Variants in TMTC4 observed in about 807,000 individuals in gnomAD.
TMTC4 encodes the protein transmembrane O-mannosyltransferase targeting cadherins 4.
In TMTC4, 65 loss-of-function variants were observed where a neutral mutation model predicts 86.0. The observed-to-expected ratio is 0.76, with a 90% CI of 0.62 to 0.93. The LOEUF is 0.93. Ranked by LOEUF, TMTC4 falls within the 40% of genes least tolerant of loss-of-function variation. The pLI is 0.00. For missense variants in TMTC4, 866 were observed against 948.1 expected (o/e 0.91, Z 1.14); for synonymous variants, 379 against 382.5 (o/e 0.99, Z 0.11).
In TMTC4 at chr13:100,623,640, G is replaced by GTTTTTT. The variant is rs71200708; in HGVS notation, c.1836+1894_1836+1895insAAAAAA. 6.8e-4 allele frequency among the ~76,000 whole-genome samples: 65 copies of GTTTTTT among 96,174 alleles called. 12 individuals carry two copies. The highest frequency in any genetic ancestry group is 8.1e-4 in the Non-Finnish European group (40 of 49,182). The allele number at this position is 96,174 out of a possible 152,430, so 63.1% of individuals were successfully genotyped here. A position where few individuals can be genotyped will look rare whatever the true frequency, so the allele number is the denominator to read the frequency against. ...GTCAGTTTTGGAAACTACTAGTTGG[G>GTTTTTT]TTTTGTTTTTTTTTTTTTTTTTTTT... On this transcript the variant is annotated intron_variant, in intron 15 of 18. Transcript: ENST00000342624.
chr13:100,609,066 A>T (rs1877123723), intron 17 of TMTC4, among the ~76,000 whole-genome samples: 1 of 152,108 alleles, frequency 6.6e-6, no homozygotes, highest in African/African-American at 2.4e-5. Context: ...GGGAGATCTG[A>T]TGAGAAGTTG....
At chr13:100,663,778 G>C (rs1886083227) in intron 4 of TMTC4, among the ~76,000 whole-genome samples, 1 of 152,170 alleles carries the variant, frequency 6.6e-6, no homozygotes, top group African/African-American at 2.4e-5. Flanking sequence ...GAACCTTTGT[G>C]AGGTAAATGC....
At chr13:100,673,055 G>T (rs953500132) in intron 1 of TMTC4, among the ~76,000 whole-genome samples, 8 of 152,168 alleles carry the variant, frequency 5.3e-5, no homozygotes, top group African/African-American at 1.9e-4. Flanking sequence ...TGACTCCTGC[G>T]ACAGAATCAA....
At chr13:100,624,660 G>A (rs763137695) in intron 15 of TMTC4, among the ~76,000 whole-genome samples, 9 of 152,196 alleles carry the variant, frequency 5.9e-5, no homozygotes, top group Non-Finnish European at 8.8e-5. Context: ...TTTAGAACAC[G>A]AGGATGCCTT....
intron 7 of TMTC4, 137 bp from the exon 8 acceptor site, chr13:100,638,159 T>A (rs1486888718): frequency 1.6e-6 from 1 of 606,436 alleles, no homozygotes; most frequent in African/African-American, 1.9e-5. Flanking sequence ...CTGCAGCTCT[T>A]TAAAAAAACA....
chr13:100,672,392 C>T (rs911768076), intron 1 of TMTC4, among the ~76,000 whole-genome samples: 1 of 152,200 alleles, frequency 6.6e-6, no homozygotes, highest in Non-Finnish European at 1.5e-5. Flanking sequence ...CAACACTAAA[C>T]GACTTCTGTT....
chr13:100,670,334 C>A (rs1886929499), intron 2 of TMTC4, 26 bp downstream of exon 2: 1 of 1,607,212 alleles, frequency 6.2e-7, no homozygotes, highest in African/African-American at 1.3e-5. Context: ...AAGATGGAGA[C>A]AGATCCAACA....
chr13:100,669,216 A>G (rs191445310), intron 2 of TMTC4, among the ~76,000 whole-genome samples: 3 of 152,210 alleles, frequency 2.0e-5, no homozygotes, highest in Non-Finnish European at 2.9e-5. Context: ...TGTGTGTGGC[A>G]GGGGAGAGGG....
chr13:100,649,528 G>A (rs1164119948), intron 6 of TMTC4, among the ~76,000 whole-genome samples: 2 of 151,970 alleles, frequency 1.3e-5, no homozygotes, highest in Non-Finnish European at 2.9e-5. Flanking sequence ...GCATATAGTG[G>A]GCACTCGATA....
intron 15 of TMTC4, among the ~76,000 whole-genome samples, chr13:100,619,048 C>A (rs1043829274): frequency 6.6e-6 from 1 of 152,102 alleles, no homozygotes. Context: ...AGGGGCTCCT[C>A]ACTTCCCAGT....
chr13:100,647,626 G>A (rs2791675), intron 6 of TMTC4, among the ~76,000 whole-genome samples: 139,694 of 152,252 alleles, frequency 0.92, 65,325 homozygotes, highest in East Asian at 1. Context: ...ACTGTAACAT[G>A]GATTAATTTT....
At chr13:100,631,035 T>G (rs1461549101) in intron 12 of TMTC4, among the ~76,000 whole-genome samples, 1 of 152,168 alleles carries the variant, frequency 6.6e-6, no homozygotes, top group African/African-American at 2.4e-5. Flanking sequence ...AGAACAAAAA[T>G]CTCACAACCA....
At chr13:100,608,236 A>G (rs1458456171) in intron 17 of TMTC4, among the ~76,000 whole-genome samples, 2 of 152,212 alleles carry the variant, frequency 1.3e-5, no homozygotes, top group Admixed American at 6.5e-5. Flanking sequence ...TTGAGGAGTC[A>G]GCAATTTGGG....
Position 100,636,721 on chromosome 13 carries a change from T to C in TMTC4, c.1013A>G (p.Asn338Ser), listed in dbSNP as rs771517444. ...CCAGGCATTCAATGAATAGTAGTAA[T>C]TGTAGTTTACGGCCTGCCAGTCAAA... Reference protein sequence around the residue: ...DSMLVRAVNYNYYYSLNAWLL... With the variant: ...DSMLVRAVNYSYYYSLNAWLL... Residue 338 changes from asparagine to serine, a missense_variant, in exon 10 of 19, where the codon AAT becomes AGT. Coordinates refer to ENST00000342624, the MANE Select transcript of TMTC4 (RefSeq NM_032813.5). The C allele has an allele frequency of 1.5e-5, 25 of 1,613,968 alleles. No homozygotes were observed. Among genetic ancestry groups the C allele is most frequent in the Admixed American group, 3.3e-5 (2 of 59,990 alleles).
chr13:100,661,351 C>A (rs1037261338), intron 5 of TMTC4, among the ~76,000 whole-genome samples: 1 of 152,186 alleles, frequency 6.6e-6, no homozygotes, highest in Non-Finnish European at 1.5e-5. Flanking sequence ...GCACTTGAAA[C>A]CTTTTTATAA....
chr13:100,628,407 C>T (rs1187165426), intron 12 of TMTC4, among the ~76,000 whole-genome samples: 1 of 152,156 alleles, frequency 6.6e-6, no homozygotes, highest in Non-Finnish European at 1.5e-5. Context: ...GGATGGACAC[C>T]TGGGTAGCTT....
chr13:100,612,323 G>C, intron 17 of TMTC4, 75 bp downstream of exon 17: 1 of 1,164,782 alleles, frequency 8.6e-7, no homozygotes, highest in South Asian at 1.4e-5. Context: ...AATTTAACTG[G>C]GCAGAAGTAA....
At chr13:100,632,131 C>T (rs1881538895) in intron 12 of TMTC4, among the ~76,000 whole-genome samples, 1 of 151,308 alleles carries the variant, frequency 6.6e-6, no homozygotes. Flanking sequence ...CCCACAAGCA[C>T]ACGCCCTGTG....
intron 2 of TMTC4, among the ~76,000 whole-genome samples, chr13:100,669,075 T>G (rs1226108754): frequency 6.6e-6 from 1 of 152,172 alleles, no homozygotes; most frequent in Non-Finnish European, 1.5e-5. Context: ...GGTATCCTCA[T>G]CAACCCCACA....
Sources: allele counts gnomAD v4.1 joint callset (sites outside exome capture counted in the v4.1 genomes callset), GRCh38; gene constraint gnomAD v4.1.1; transcripts MANE v1.5; gene names NCBI Gene and HGNC (gene_info 2026-07-23, HGNC 2026-07-21).